Variants in CBFB observed in about 807,000 individuals in gnomAD.
The protein encoded by CBFB is CBF-beta.
Under a neutral mutation model 30.4 loss-of-function variants are expected in CBFB, and 9 were observed. That is an observed-to-expected ratio of 0.30 (90% CI 0.18 to 0.52). The LOEUF (loss-of-function observed/expected upper bound fraction) is 0.52. Among genes scored for constraint, CBFB ranks in the 20% least tolerant of loss-of-function variants. CBFB has a pLI of 0.97. For synonymous variants in CBFB, 94 were observed against 84.0 expected, an observed-to-expected ratio of 1.12 and a Z score of -0.65; for missense variants, 170 against 244.0, an observed-to-expected ratio of 0.70 and a Z score of 2.02.
At chr16:67,044,860 A>C (rs1966595327) in intron 3 of CBFB, among the ~76,000 whole-genome samples, 1 of 152,208 alleles carries the variant, frequency 6.6e-6, no homozygotes, top group Non-Finnish European at 1.5e-5. Context: ...CAAATAAAAG[A>C]TCTCTATGGT....
chr16:67,043,346 A>G (rs1258690040), intron 3 of CBFB, among the ~76,000 whole-genome samples: 1 of 152,226 alleles, frequency 6.6e-6, no homozygotes, highest in African/African-American at 2.4e-5. Context: ...GATTTAAGAA[A>G]ATGGGCTCAT....
chr16:67,029,438 A>T lies in CBFB; in HGVS notation c.31A>T (p.Lys11Ter). The part of the protein sequence containing the change: MPRVVPDQRS[K>*]FENEEFFRKL... ...GCGCGTCGTGCCCGACCAGAGAAGC[A>T]AGTTCGAGAACGAGGAGTTTTTTAG... Residue 11 changes from lysine to a stop codon, truncating the protein, a stop_gained, in exon 1 of 6, where the codon AAG (lysine) becomes TAG (stop). Coordinates refer to ENST00000412916, the MANE Select transcript of CBFB (RefSeq NM_022845.3). LOFTEE classifies it high-confidence loss of function. 6.3e-7 allele frequency: 1 copy of T among 1,588,622 alleles called. No individual in the cohort carries two copies. Among genetic ancestry groups the T allele is most frequent in the Non-Finnish European group, 8.6e-7 (1 of 1,169,010 alleles).
chr16:67,086,112 T>TA (rs1961726610), intron 5 of CBFB, among the ~76,000 whole-genome samples: 1 of 152,246 alleles, frequency 6.6e-6, no homozygotes, highest in Non-Finnish European at 1.5e-5. Flanking sequence ...ATATATGTGA[T>TA]ACTTGTTTTC....
chr16:67,059,873 T>A (rs1408005171), intron 3 of CBFB, among the ~76,000 whole-genome samples: 1 of 152,184 alleles, frequency 6.6e-6, no homozygotes, highest in African/African-American at 2.4e-5. Flanking sequence ...GAATCCCATA[T>A]GTAACTGCCT....
chr16:67,065,821 A>G (rs16957144), intron 3 of CBFB, among the ~76,000 whole-genome samples: 3,543 of 152,336 alleles, frequency 0.023, 104 homozygotes, highest in African/African-American at 0.072. Flanking sequence ...CTTTTCTACT[A>G]TATTTAAAAG....
At chr16:67,042,815 A>C (rs1966554315) in intron 3 of CBFB, among the ~76,000 whole-genome samples, 2 of 152,066 alleles carry the variant, frequency 1.3e-5, no homozygotes, top group Non-Finnish European at 2.9e-5. Flanking sequence ...TCAGCTCTAC[A>C]ACCTCTGCCT....
intron 3 of CBFB, among the ~76,000 whole-genome samples, chr16:67,060,241 T>A (rs1597140382): frequency 6.6e-6 from 1 of 152,110 alleles, no homozygotes; most frequent in Admixed American, 6.6e-5. Context: ...ATGCTAAGAT[T>A]ACAAGCGTGA....
intron 3 of CBFB, among the ~76,000 whole-genome samples, chr16:67,042,184 A>G (rs1462736321): frequency 6.6e-6 from 1 of 152,134 alleles, no homozygotes; most frequent in Admixed American, 6.5e-5. Context: ...TTGGCCTCCC[A>G]AAGTGCTGGG....
At chr16:67,082,914 TAAAA>T (rs969803618) in intron 5 of CBFB, among the ~76,000 whole-genome samples, 1 of 152,078 alleles carries the variant, frequency 6.6e-6, no homozygotes, top group Non-Finnish European at 1.5e-5. Context: ...TAATAATAAA[TAAAA>T]AAATCTATAG....
chr16:67,082,103 G>A (rs2145770910), intron 4 of CBFB, 110 bp from the exon 5 acceptor site: 1 of 804,968 alleles, frequency 1.2e-6, no homozygotes, highest in Admixed American at 3.1e-5. Flanking sequence ...ACAGGCGTGA[G>A]CCACTGCGCC....
At chr16:67,090,928 G>GA (rs1961862441) in intron 5 of CBFB, among the ~76,000 whole-genome samples, 2 of 152,126 alleles carry the variant, frequency 1.3e-5, no homozygotes, top group Middle Eastern at 3.4e-3. Context: ...TGTGGTCCAA[G>GA]AAAAAAATCT....
intron 3 of CBFB, among the ~76,000 whole-genome samples, chr16:67,040,649 T>A (rs1308167390): frequency 6.6e-6 from 1 of 152,200 alleles, no homozygotes; most frequent in Non-Finnish European, 1.5e-5. Flanking sequence ...CCTAGGTATT[T>A]GAGATACATC....
intron 3 of CBFB, among the ~76,000 whole-genome samples, chr16:67,060,536 T>TG (rs1194294418): frequency 1.3e-5 from 2 of 152,008 alleles, no homozygotes; most frequent in Non-Finnish European, 2.9e-5. Context: ...TGTACGTTTC[T>TG]GGGGGGTTTT....
chr16:67,037,787 G>A (rs1386594591), intron 3 of CBFB, among the ~76,000 whole-genome samples: 1 of 150,760 alleles, frequency 6.6e-6, no homozygotes, highest in South Asian at 2.1e-4. Context: ...TCCTGCCTCA[G>A]CCTCCTGAGT....
Position 67,029,171 on chromosome 16 carries a change from G to T in CBFB, c.-237G>T. The T allele has an allele frequency of 5.6e-6, 1 of 178,070 alleles. No individual in the cohort carries two copies. The highest frequency in any genetic ancestry group is 1.1e-5 in the Non-Finnish European group (1 of 90,144). The allele number at this position is 178,070 out of a possible 1,614,324, so 11.0% of individuals were successfully genotyped here. ...GGCGGTGAGCGCTGGGGCTGCGCGG[G>T]CGGCAGGCAACGGCTGAGGCGGCGG... is the stretch of plus-strand genomic sequence containing the variant. On this transcript the variant is annotated 5_prime_UTR_variant, in exon 1 of 6. Coordinates refer to ENST00000412916, the MANE Select transcript of CBFB (RefSeq NM_022845.3).
intron 3 of CBFB, among the ~76,000 whole-genome samples, chr16:67,056,858 T>A (rs1960742828): frequency 6.6e-6 from 1 of 152,192 alleles, no homozygotes; most frequent in Non-Finnish European, 1.5e-5. Context: ...ATTTTTGTAT[T>A]TTTAGTAGAG....
intron 3 of CBFB, among the ~76,000 whole-genome samples, chr16:67,060,396 C>T (rs1468312004): frequency 6.6e-6 from 1 of 152,116 alleles, no homozygotes; most frequent in African/African-American, 2.4e-5. Context: ...CATTTAATTT[C>T]AAAACATTTT....
At chr16:67,074,918 C>T (rs891023128) in intron 4 of CBFB, among the ~76,000 whole-genome samples, 2 of 152,094 alleles carry the variant, frequency 1.3e-5, no homozygotes, top group South Asian at 4.2e-4. Flanking sequence ...AGAGGCCAGG[C>T]GCAGTGGCTC....
chr16:67,039,035 A>G (rs1966489278), intron 3 of CBFB, among the ~76,000 whole-genome samples: 2 of 152,204 alleles, frequency 1.3e-5, no homozygotes, highest in South Asian at 4.1e-4. Flanking sequence ...GAGATGGTTT[A>G]TTCTAGTACA....
Sources: gnomAD v4.1 joint callset for allele counts (sites outside exome capture counted in the v4.1 genomes callset) on GRCh38, gnomAD v4.1.1 for gene constraint, MANE v1.5 for transcripts, NCBI Gene and HGNC (gene_info 2026-07-23, HGNC 2026-07-21) for gene names.